PTPRE: variants seen among roughly 807,000 people sequenced by gnomAD.
PTPRE encodes the protein receptor-type tyrosine-protein phosphatase epsilon.
A neutral mutation model predicts 102.0 loss-of-function variants in PTPRE; 51 were observed. The ratio of observed to expected loss-of-function variants is 0.50; its 90% CI spans 0.40 to 0.63. The LOEUF is 0.63. Among genes scored for constraint, PTPRE ranks in the 30% least tolerant of loss-of-function variants. The pLI is 0.00. For synonymous variants in PTPRE, 345 were observed against 348.2 expected (o/e 0.99, Z 0.10); for missense variants, 752 against 915.1 (o/e 0.82, Z 2.30).
intron 1 of PTPRE, among the ~76,000 whole-genome samples, chr10:127,958,040 A>G (rs963023312): frequency 6.6e-6 from 1 of 152,054 alleles, no homozygotes; most frequent in African/African-American, 2.4e-5. Context: ...TTAACTTTAT[A>G]CCCTGAAACA....
At chr10:127,987,338 A>C in intron 2 of PTPRE, 1 of 1,276,100 alleles carries the variant, frequency 7.8e-7, no homozygotes, top group Non-Finnish European at 1.0e-6. Flanking sequence ...GCTGTCAGGG[A>C]AACATGGATT....
chr10:128,054,783 T>C (rs1268960608), intron 6 of PTPRE, among the ~76,000 whole-genome samples: 1 of 152,036 alleles, frequency 6.6e-6, no homozygotes, highest in East Asian at 2.0e-4. Context: ...GGGTGGCAGG[T>C]CAGGCTGTGC....
chr10:127,919,715 G>A (rs887175353), intron 1 of PTPRE, among the ~76,000 whole-genome samples: 1 of 152,170 alleles, frequency 6.6e-6, no homozygotes, highest in Admixed American at 6.5e-5. Flanking sequence ...CTTGGCCCTA[G>A]TCCTCTGGGT....
In PTPRE at chr10:127,996,562, G is replaced by A. The variant is rs907917095; in HGVS notation, c.-8+14266G>A. ...AGCTTCCCCAGTTTTTATGACTGTG[G>A]CACCTCACTGGAACCCATGCCAGCC... On this transcript the variant is annotated intron_variant, in intron 2 of 20. Coordinates refer to ENST00000254667, the MANE Select transcript of PTPRE (RefSeq NM_006504.6). 3.9e-5 allele frequency among the ~76,000 whole-genome samples: 6 copies of A among 152,158 alleles called. No individual in the cohort carries two copies. In the South Asian group the frequency reaches 1.2e-3, roughly 32 times the overall value.
At chr10:128,049,191 A>T (rs1848345186) in intron 5 of PTPRE, among the ~76,000 whole-genome samples, 1 of 152,074 alleles carries the variant, frequency 6.6e-6, no homozygotes, top group African/African-American at 2.4e-5. Context: ...GGCCGTCTTG[A>T]ATCCTTTTTG....
chr10:128,017,821 G>A (rs1322603760), intron 2 of PTPRE, among the ~76,000 whole-genome samples: 1 of 152,184 alleles, frequency 6.6e-6, no homozygotes, highest in Non-Finnish European at 1.5e-5. Flanking sequence ...CAGGCTGGAG[G>A]CTGTGGTACA....
intron 1 of PTPRE, among the ~76,000 whole-genome samples, chr10:127,980,689 C>T (rs2135460207): frequency 6.6e-6 from 1 of 152,194 alleles, no homozygotes; most frequent in African/African-American, 2.4e-5. Flanking sequence ...TTTTCTGCTT[C>T]TTGGGCTTCA....
intron 1 of PTPRE, among the ~76,000 whole-genome samples, chr10:127,981,860 G>T (rs1457873507): frequency 6.6e-6 from 1 of 152,056 alleles, no homozygotes; most frequent in East Asian, 1.9e-4. Context: ...AATTGATCAG[G>T]CTAGATAAAG....
chr10:128,045,523 G>A (rs537542715), intron 3 of PTPRE, among the ~76,000 whole-genome samples: 1 of 152,316 alleles, frequency 6.6e-6, no homozygotes, highest in Non-Finnish European at 1.5e-5. Context: ...ACATTCGAGA[G>A]GGAGGAGGGG....
intron 2 of PTPRE, among the ~76,000 whole-genome samples, chr10:127,996,335 C>T (rs1038578094): frequency 2.0e-5 from 3 of 152,176 alleles, no homozygotes; most frequent in African/African-American, 7.2e-5. Flanking sequence ...CGCTTTCCAC[C>T]ATAGAAATAA....
chr10:127,994,362 T>G (rs976073684), intron 2 of PTPRE, among the ~76,000 whole-genome samples: 3 of 152,208 alleles, frequency 2.0e-5, no homozygotes, highest in African/African-American at 7.2e-5. Context: ...CAGCCCCAAG[T>G]TACTTTCTGT....
Position 128,070,195 on chromosome 10 carries a change from A to AT in PTPRE, c.1144-106_1144-105insT, listed in dbSNP as rs1316103840. ...TTGCCTCACACCTCCTTGTGTTGGC[A>AT]AAAAGAGAAAAAGAAGAAAGCCGCC... is the stretch of plus-strand genomic sequence containing the variant. On this transcript the variant is annotated intron_variant, in intron 13 of 20. Transcript: ENST00000254667. This position sits in a 1 kb window ranked among gnomAD's most constrained non-coding sequence, Gnocchi z 4.8. 7 of 1,365,326 alleles carry AT rather than the reference A, an allele frequency of 5.1e-6. No homozygotes were observed. Among genetic ancestry groups the AT allele is most frequent in the Non-Finnish European group, 7.0e-6 (7 of 1,005,212 alleles). The allele number at this position is 1,365,326 out of a possible 1,614,324, so 84.6% of individuals were successfully genotyped here.
rs1275450124 is a variant in PTPRE at position 128,070,893 on chromosome 10, T to G, written c.1379T>G (p.Ile460Ser). Residue 460 changes from isoleucine to serine, a missense_variant, in exon 15 of 21, where the codon ATC becomes AGC. This residue lies in a region of PTPRE where 636 missense variants were observed against 824.4 expected (regional missense o/e 0.77). Transcript: ENST00000254667. The surrounding 1 kb of genome is among the most constrained non-coding windows in gnomAD (Gnocchi z 4.8). ...ATGAAGAAGGCCAGGGTCATCCAGA[T>G]CATCCCGTGTAAGGCACCCGTGGCG... is the stretch of plus-strand genomic sequence containing the variant. The part of the protein sequence containing the change: ...ANMKKARVIQ[I>S]IPYDFNRVIL... 6.2e-7 allele frequency: 1 copy of G among 1,613,726 alleles called. No individual in the cohort carries two copies. The highest frequency in any genetic ancestry group is 1.7e-5 in the Admixed American group (1 of 60,028).
In PTPRE at chr10:128,073,515, C is replaced by T. The variant is rs765732978; in HGVS notation, c.1599+44C>T. The T allele has an allele frequency of 6.3e-6, 10 of 1,594,606 alleles. No individual in the cohort carries two copies. The East Asian group carries it at 1.8e-4, about 29-fold the overall frequency. On this transcript the variant is annotated intron_variant, in intron 17 of 20. Transcript: ENST00000254667. ...CCCGGTCCCTCCAGGGCAGCCTGTG[C>T]ACCTGAGGCACTGTCCCCGTTCATT...
rs1226478869 is a variant in PTPRE, at chr10:128,083,781, C to T, written c.*875C>T. On this transcript the variant is annotated 3_prime_UTR_variant, in exon 21 of 21. Coordinates refer to ENST00000254667, the MANE Select transcript of PTPRE (RefSeq NM_006504.6). ...TGGTCCAGTGCTATGCCTGGAGGCT[C>T]AACACAAAACTTCCCATCCAAACAT... 2.0e-5 allele frequency: 3 copies of T among 152,256 alleles called. No individual in the cohort carries two copies. The East Asian group carries it at 5.8e-4, about 29-fold the overall frequency. The allele number at this position is 152,256 out of a possible 1,614,324, so 9.4% of individuals were successfully genotyped here. A position where few individuals can be genotyped will look rare whatever the true frequency, so the allele number is the denominator to read the frequency against.
intron 1 of PTPRE, among the ~76,000 whole-genome samples, chr10:127,976,815 G>A (rs1332387406): frequency 6.6e-6 from 1 of 152,142 alleles, no homozygotes; most frequent in Non-Finnish European, 1.5e-5. Flanking sequence ...TTGCCTGGAA[G>A]GTAAACAAGG....
At chr10:128,034,571 C>T (rs900202143) in intron 2 of PTPRE, among the ~76,000 whole-genome samples, 1 of 152,084 alleles carries the variant, frequency 6.6e-6, no homozygotes, top group Non-Finnish European at 1.5e-5. Context: ...GTGGTGCATC[C>T]CTGTAGTCCC....
intron 7 of PTPRE, among the ~76,000 whole-genome samples, chr10:128,059,062 C>G (rs1849268107): frequency 6.6e-6 from 1 of 152,164 alleles, no homozygotes; most frequent in Non-Finnish European, 1.5e-5. Flanking sequence ...TGAAGTGTGA[C>G]TTTTTAGAAT....
At chr10:128,065,026 A>T (rs764459169) in intron 10 of PTPRE, among the ~76,000 whole-genome samples, 1 of 152,202 alleles carries the variant, frequency 6.6e-6, no homozygotes, top group South Asian at 2.1e-4. Flanking sequence ...AGGGCTCCCC[A>T]TAGGGCCAAG....
Sources: gnomAD v4.1 joint callset for allele counts (sites outside exome capture counted in the v4.1 genomes callset) on GRCh38, gnomAD v4.1.1 for gene constraint, gnomAD v4.1.1 regional missense constraint, Gnocchi (gnomAD v3.1) non-coding constraint, MANE v1.5 for transcripts, NCBI Gene and HGNC (gene_info 2026-07-23, HGNC 2026-07-21) for gene names.